Variants in TANC1 observed in about 807,000 individuals in gnomAD.
TANC1 encodes tetratricopeptide repeat, ankyrin repeat and coiled-coil containing 1.
Under a neutral mutation model 149.7 loss-of-function variants are expected in TANC1, and 77 were observed. That is an observed-to-expected ratio of 0.51 (90% confidence interval 0.43 to 0.62). The LOEUF is 0.62. Among genes scored for constraint, TANC1 ranks in the 20% least tolerant of loss-of-function variants. TANC1 has a pLI of 0.00. For synonymous variants in TANC1, 854 were observed against 925.0 expected, an observed-to-expected ratio of 0.92 and a Z score of 1.39; for missense variants, 1,985 against 2,321.8, an observed-to-expected ratio of 0.85 and a Z score of 2.98.
At chr2:159,093,904 TAAAC>T (rs754515029) in intron 3 of TANC1, among the ~76,000 whole-genome samples, 4 of 152,232 alleles carry the variant, frequency 2.6e-5, no homozygotes, top group Non-Finnish European at 5.9e-5. Flanking sequence ...TTGCTTGTTA[TAAAC>T]AAAGTTTATG....
intron 5 of TANC1, among the ~76,000 whole-genome samples, chr2:159,143,551 C>CAAAAAAAAAAA (rs56992262): frequency 3.0e-5 from 2 of 67,300 alleles, no homozygotes; most frequent in Non-Finnish European, 2.5e-5. Context: ...GACCCCATCT[C>CAAAAAAAAAAA]AAAAAAAAAA....
At chr2:158,979,472 C>T (rs1331114783) in intron 1 of TANC1, among the ~76,000 whole-genome samples, 4 of 147,786 alleles carry the variant, frequency 2.7e-5, no homozygotes, top group East Asian at 2.0e-4. Context: ...CTAGCCTTGG[C>T]GACAGAGCAA....
At chr2:159,098,089 C>A (rs1030817550) in intron 4 of TANC1, among the ~76,000 whole-genome samples, 13 of 151,788 alleles carry the variant, frequency 8.6e-5, no homozygotes, top group Admixed American at 7.9e-4. Flanking sequence ...TGTTAACCAG[C>A]AATTTTGTTG....
chr2:159,129,882 A>T (rs2049896890), intron 4 of TANC1, among the ~76,000 whole-genome samples: 1 of 152,186 alleles, frequency 6.6e-6, no homozygotes, highest in African/African-American at 2.4e-5. Context: ...CTTGAACCTG[A>T]CTGGAGTGGG....
chr2:159,200,437 T>C (rs2058164723), intron 19 of TANC1, among the ~76,000 whole-genome samples: 1 of 152,222 alleles, frequency 6.6e-6, no homozygotes, highest in Non-Finnish European at 1.5e-5. Context: ...ATGAAGACGA[T>C]GGACATCAGG....
chr2:159,033,575 C>T (rs992083263), intron 2 of TANC1, among the ~76,000 whole-genome samples: 3 of 152,130 alleles, frequency 2.0e-5, no homozygotes, highest in Non-Finnish European at 2.9e-5. Context: ...AATTTCCTTC[C>T]CATGAGAGAC....
intron 2 of TANC1, among the ~76,000 whole-genome samples, chr2:159,048,760 A>C (rs57292907): frequency 0.05 from 7,542 of 152,222 alleles, 589 homozygotes; most frequent in African/African-American, 0.17. Flanking sequence ...ATCATACAGA[A>C]CCTTTTTGGG....
rs144540545 is a variant in TANC1, at chr2:159,212,418, C to T, written c.3245-5079C>T. Among the ~76,000 whole-genome samples, 8 of 152,252 alleles carry T rather than the reference C, an allele frequency of 5.3e-5. No homozygotes were observed. In the East Asian group the frequency reaches 7.7e-4, roughly 15 times the overall value. On this transcript the variant is annotated intron_variant, in intron 19 of 26. Coordinates refer to ENST00000263635, the MANE Select transcript of TANC1 (RefSeq NM_033394.3). ...TAAGAATCATGCGTGTTCAGGGTCA[C>T]GATCAAATCAATCCAGAAAATGTAT...
At chr2:159,216,611 C>G (rs986499680) in intron 19 of TANC1, among the ~76,000 whole-genome samples, 13 of 152,160 alleles carry the variant, frequency 8.5e-5, no homozygotes, top group African/African-American at 3.1e-4. Flanking sequence ...TGGGGATGCC[C>G]AGGCTGACGG....
chr2:158,994,960 G>A (rs1207508852), intron 1 of TANC1, among the ~76,000 whole-genome samples: 3 of 152,220 alleles, frequency 2.0e-5, no homozygotes, highest in Non-Finnish European at 1.5e-5. Flanking sequence ...CTCCAAAGTG[G>A]AAACATGGAA....
intron 2 of TANC1, among the ~76,000 whole-genome samples, chr2:159,064,677 A>G (rs1408326476): frequency 3.3e-5 from 5 of 152,210 alleles, no homozygotes; most frequent in Non-Finnish European, 7.3e-5. Flanking sequence ...ACCAAATGAT[A>G]AGAAAGGTCA....
At chr2:159,203,059 A>G (rs2058350894) in intron 19 of TANC1, among the ~76,000 whole-genome samples, 1 of 152,138 alleles carries the variant, frequency 6.6e-6, no homozygotes. Flanking sequence ...ATAGAAGAGA[A>G]CAGAGGCCCT....
rs975271197 is a variant in TANC1, at chr2:158,971,071, C to T, written c.-126+2289C>T. ...AACATTTTGTCTCTTTAACCACACA[C>T]GATTTATTTGGTGCCATAGTAGGTT... On this transcript the variant is annotated intron_variant, in intron 1 of 26. Transcript: ENST00000263635. Among the ~76,000 whole-genome samples the T allele has an allele frequency of 2.6e-5, 4 of 152,166 alleles. No individual in the cohort carries two copies. The East Asian group carries it at 7.7e-4, about 29-fold the overall frequency.
intron 2 of TANC1, among the ~76,000 whole-genome samples, chr2:159,025,176 TTCTTTTTC>T (rs1239287048): frequency 2.0e-5 from 3 of 149,162 alleles, no homozygotes; most frequent in African/African-American, 4.9e-5. Flanking sequence ...CTTTCTTTCT[TTCTTTTTC>T]TTTCTTTTCT....
chr2:159,064,019 G>A (rs146661752), intron 2 of TANC1, among the ~76,000 whole-genome samples: 29 of 152,232 alleles, frequency 1.9e-4, no homozygotes, highest in African/African-American at 6.5e-4. Flanking sequence ...CATGAGCTTC[G>A]GTGGCATGGC....
chr2:159,170,606 G>A lies in TANC1; in HGVS notation c.1152G>A (p.Val384=), dbSNP rs1261392551. Residue 384 remains valine (V), a synonymous_variant, in exon 10 of 27, where the codon GTG becomes GTA. Coordinates refer to ENST00000263635, the MANE Select transcript of TANC1 (RefSeq NM_033394.3). ...FEVPSITTDS[V]FVGRDWLFHQ... ...TACCAAGCATAACAACAGACTCTGTGTTTGTGGGAAGGGATTGGCTCTTTC... is the reference window on the plus strand; with the variant it reads ...TACCAAGCATAACAACAGACTCTGTATTTGTGGGAAGGGATTGGCTCTTTC... 4 of 1,614,150 alleles carry A rather than the reference G, an allele frequency of 2.5e-6. No individual in the cohort carries two copies. Among genetic ancestry groups the A allele is most frequent in the Non-Finnish European group, 3.4e-6 (4 of 1,180,032 alleles).
chr2:159,197,701 G>T (rs1036082589), intron 18 of TANC1, among the ~76,000 whole-genome samples: 2 of 152,048 alleles, frequency 1.3e-5, no homozygotes, highest in Non-Finnish European at 2.9e-5. Flanking sequence ...AGTCATCATT[G>T]GGAGGACCAT....
intron 4 of TANC1, among the ~76,000 whole-genome samples, chr2:159,106,242 T>C (rs2047170843): frequency 6.7e-6 from 1 of 149,560 alleles, no homozygotes; most frequent in Non-Finnish European, 1.5e-5. Context: ...AACATTGTTA[T>C]CTCCTCCTCA....
At chr2:159,156,891 C>T (rs576755947) in intron 7 of TANC1, among the ~76,000 whole-genome samples, 5 of 152,350 alleles carry the variant, frequency 3.3e-5, no homozygotes, top group African/African-American at 1.2e-4. Context: ...ACCACCTGCT[C>T]CCAGCCATTC....
Sources: gnomAD v4.1 joint callset for allele counts (sites outside exome capture counted in the v4.1 genomes callset) on GRCh38, gnomAD v4.1.1 for gene constraint, MANE v1.5 for transcripts, NCBI Gene and HGNC (gene_info 2026-07-23, HGNC 2026-07-21) for gene names.